Variants in ITGA11 observed in about 807,000 individuals in gnomAD.
ITGA11 encodes integrin alpha-11.
A neutral mutation model predicts 141.9 loss-of-function variants in ITGA11; 97 were observed. The ratio of observed to expected loss-of-function variants is 0.68; its 90% CI spans 0.58 to 0.81. ITGA11 has a LOEUF of 0.81. Among genes scored for constraint, ITGA11 ranks in the 30% least tolerant of loss-of-function variants. The pLI is 0.00. For missense variants in ITGA11, 1,387 were observed against 1,559.2 expected (o/e 0.89, Z 1.86); for synonymous variants, 658 against 624.6 (o/e 1.05, Z -0.80).
At chr15:68,365,177 C>G in intron 3 of ITGA11, 1 of 985,446 alleles carries the variant, frequency 1.0e-6, no homozygotes, top group Non-Finnish European at 1.2e-6. Flanking sequence ...AGTATCCCCG[C>G]TACGCTTTCT....
chr15:68,352,008 G>A (rs1194330178), intron 7 of ITGA11, among the ~76,000 whole-genome samples: 5 of 151,548 alleles, frequency 3.3e-5, no homozygotes, highest in Admixed American at 6.6e-5. Flanking sequence ...GCTTGAACCC[G>A]GGAGGCGGAG....
rs776347576 is a variant in ITGA11 at position 68,350,794 on chromosome 15, C to T, written c.895-12G>A. 1.2e-6 allele frequency: 2 copies of T among 1,607,678 alleles called. No individual in the cohort carries two copies. Among genetic ancestry groups the T allele is most frequent in the Admixed American group, 3.4e-5 (2 of 59,630 alleles). ...TAGTAGCCCAGGACCTGCCAGGGAA[C>T]AGGGGCAGGAACCACAAACCAGAAC... On this transcript the variant is annotated splice_polypyrimidine_tract_variant and intron_variant, in intron 8 of 29. Coordinates refer to ENST00000315757, the MANE Select transcript of ITGA11 (RefSeq NM_001004439.2).
At chr15:68,398,736 A>G (rs1008771749) in intron 2 of ITGA11, among the ~76,000 whole-genome samples, 1 of 147,894 alleles carries the variant, frequency 6.8e-6, no homozygotes. Flanking sequence ...GATATAATTT[A>G]TATTAACTGT....
At chr15:68,397,674 T>C (rs1240174795) in intron 2 of ITGA11, among the ~76,000 whole-genome samples, 1 of 50,320 alleles carries the variant, frequency 2.0e-5, no homozygotes, top group Non-Finnish European at 3.6e-5. Context: ...ATAAAATATT[T>C]AAAATATTAT....
chr15:68,369,392 G>GGGGA, intron 2 of ITGA11, 108 bp from the exon 3 acceptor site: 1 of 187,570 alleles, frequency 5.3e-6, no homozygotes, highest in Non-Finnish European at 1.1e-5. Flanking sequence ...GGGAGGGTGG[G>GGGGA]AGGGAACCCT....
At position 68,307,286 on chromosome 15, in the gene ITGA11, G is replaced by A. The variant is rs916993410; in HGVS notation, c.3381+62C>T. On this transcript the variant is annotated intron_variant, in intron 28 of 29. Coordinates refer to ENST00000315757, the MANE Select transcript of ITGA11 (RefSeq NM_001004439.2). This position sits in a 1 kb window ranked among gnomAD's most constrained non-coding sequence, Gnocchi z 6.1. ...GTAGGAAAACTCTATAGAGGAGCACGGCCAACCCTTTCCCAAGCTGTCCGG... is the reference window on the plus strand; with the variant it reads ...GTAGGAAAACTCTATAGAGGAGCACAGCCAACCCTTTCCCAAGCTGTCCGG... 39 of 1,233,032 alleles carry A rather than the reference G, an allele frequency of 3.2e-5. No individual in the cohort carries two copies. The highest frequency in any genetic ancestry group is 3.9e-5 in the Non-Finnish European group (34 of 862,230). 76.4% of individuals were successfully genotyped at this position (1,233,032 alleles called of 1,614,324 possible).
chr15:68,373,509 A>G (rs969830063), intron 2 of ITGA11, among the ~76,000 whole-genome samples: 4 of 152,204 alleles, frequency 2.6e-5, no homozygotes, highest in Non-Finnish European at 4.4e-5. Context: ...GCTAAAGTCA[A>G]TGTTGACTGC....
chr15:68,406,302 G>A (rs557581520), intron 1 of ITGA11, among the ~76,000 whole-genome samples: 2 of 152,084 alleles, frequency 1.3e-5, no homozygotes, highest in East Asian at 3.9e-4. Context: ...TCATTGCAAG[G>A]CCCTCCATAA....
intron 11 of ITGA11, among the ~76,000 whole-genome samples, chr15:68,337,012 G>C (rs1427314135): frequency 2.0e-5 from 3 of 152,166 alleles, no homozygotes; most frequent in Non-Finnish European, 4.4e-5. Flanking sequence ...GGCTAACATG[G>C]CCATGTATTT....
chr15:68,367,129 C>T (rs1595880422), intron 3 of ITGA11, among the ~76,000 whole-genome samples: 1 of 152,174 alleles, frequency 6.6e-6, no homozygotes, highest in East Asian at 1.9e-4. Flanking sequence ...ACTCACTTTG[C>T]TACCCACTGC....
At position 68,320,221 on chromosome 15, in the gene ITGA11, C is replaced by T. The variant is rs376726945; in HGVS notation, c.2580G>A (p.Gln860=). Residue 860 remains glutamine, a synonymous_variant, in exon 20 of 30, where the codon CAG becomes CAA. Transcript: ENST00000315757. ...NAYSTVLNIS[Q]SANLQFASLI... Reference sequence around the variant, plus strand: ...AGCTGGCAAACTGCAGGTTTGCTGACTGCGAGATATTTAGGACCGTGCTGT... The same window carrying T: ...AGCTGGCAAACTGCAGGTTTGCTGATTGCGAGATATTTAGGACCGTGCTGT... The T allele has an allele frequency of 2.4e-5, 39 of 1,614,050 alleles. No homozygotes were observed. In the African/African-American group the frequency reaches 3.3e-4, roughly 14 times the overall value.
At position 68,411,188 on chromosome 15, in the gene ITGA11, G is replaced by A. The variant is rs1896763575; in HGVS notation, c.53-8159C>T. ...CAATCTTCTCCCCATCTAAGACTGA[G>A]CAATGTGAGGAGAACTGGATTCTAC... is the stretch of plus-strand genomic sequence containing the variant. On this transcript the variant is annotated intron_variant, in intron 1 of 29. Transcript: ENST00000315757. 2.0e-5 allele frequency among the ~76,000 whole-genome samples: 3 copies of A among 152,360 alleles called. 1 individual carries two copies. The South Asian group carries it at 6.2e-4, about 32-fold the overall frequency.
intron 2 of ITGA11, among the ~76,000 whole-genome samples, chr15:68,373,130 TC>T (rs2140365910): frequency 6.6e-6 from 1 of 152,312 alleles, no homozygotes; most frequent in African/African-American, 2.4e-5. Flanking sequence ...CCCTTTAAAA[TC>T]CAGCATAAAT....
chr15:68,335,622 G>GT lies in ITGA11; in HGVS notation c.1425+74dup. ...GGCACCCAGTGGTCCAGGCATGCCT[G>GT]TATTTACTGCCCTCCCATTTGTCTG... On this transcript the variant is annotated intron_variant, in intron 12 of 29. Coordinates refer to ENST00000315757, the MANE Select transcript of ITGA11 (RefSeq NM_001004439.2). The surrounding 1 kb of genome is among the most constrained non-coding windows in gnomAD (Gnocchi z 4.9). 1.3e-6 allele frequency: 2 copies of GT among 1,524,270 alleles called. No homozygotes were observed. Among genetic ancestry groups the GT allele is most frequent in the African/African-American group, 1.4e-5 (1 of 72,914 alleles). 94.4% of individuals were successfully genotyped at this position (1,524,270 alleles called of 1,614,324 possible). A position where few individuals can be genotyped will look rare whatever the true frequency, so the allele number is the denominator to read the frequency against.
Position 68,333,762 on chromosome 15 carries a change from A to G in ITGA11, c.1426-1284T>C, listed in dbSNP as rs1354431425. 1.3e-5 allele frequency among the ~76,000 whole-genome samples: 2 copies of G among 152,012 alleles called. No homozygotes were observed. Among genetic ancestry groups the G allele is most frequent in the Admixed American group, 1.3e-4 (2 of 15,270 alleles). ...CACCACTCCACCTCTTGCTTTTGGG[A>G]TAGTATCTAAACTCTCTAGCAGGAC... is the stretch of plus-strand genomic sequence containing the variant. On this transcript the variant is annotated intron_variant, in intron 12 of 29. Coordinates refer to ENST00000315757, the MANE Select transcript of ITGA11 (RefSeq NM_001004439.2). The surrounding 1 kb of genome is among the most constrained non-coding windows in gnomAD (Gnocchi z 4.2).
intron 10 of ITGA11, among the ~76,000 whole-genome samples, chr15:68,342,191 A>C (rs1297722927): frequency 6.6e-6 from 1 of 152,182 alleles, no homozygotes; most frequent in Non-Finnish European, 1.5e-5. Context: ...TTAATAGGGG[A>C]AGTCAGGCAC....
chr15:68,358,635 G>A (rs1234569342), intron 5 of ITGA11, 50 bp from the exon 6 acceptor site: 4 of 1,564,976 alleles, frequency 2.6e-6, no homozygotes, highest in South Asian at 1.2e-5. Flanking sequence ...GTGTCTGCGA[G>A]TCTCTGATTC....
chr15:68,432,121 C>A lies in ITGA11; in HGVS notation c.-55G>T. 4.6e-6 allele frequency: 6 copies of A among 1,300,448 alleles called. No individual in the cohort carries two copies. The highest frequency in any genetic ancestry group is 5.9e-6 in the Non-Finnish European group (6 of 1,013,902). The allele number at this position is 1,300,448 out of a possible 1,614,324, so 80.6% of individuals were successfully genotyped here. A position where few individuals can be genotyped will look rare whatever the true frequency, so the allele number is the denominator to read the frequency against. On this transcript the variant is annotated 5_prime_UTR_variant, in exon 1 of 30. Coordinates refer to ENST00000315757, the MANE Select transcript of ITGA11 (RefSeq NM_001004439.2). Reference sequence around the variant, plus strand: ...TGCAGCGGCGGCGGGGGGCGGCAAGCCAGAGCGGCAGCCTCCTCGGCGCGG... The same window carrying A: ...TGCAGCGGCGGCGGGGGGCGGCAAGACAGAGCGGCAGCCTCCTCGGCGCGG...
chr15:68,383,352 T>C (rs1895908833), intron 2 of ITGA11, among the ~76,000 whole-genome samples: 1 of 151,482 alleles, frequency 6.6e-6, no homozygotes, highest in African/African-American at 2.4e-5. Context: ...TAGAAAGAGG[T>C]ATTTTATCCA....
Sources: allele counts gnomAD v4.1 joint callset (sites outside exome capture counted in the v4.1 genomes callset), GRCh38; gene constraint gnomAD v4.1.1; non-coding constraint Gnocchi (gnomAD v3.1); transcripts MANE v1.5; gene names NCBI Gene and HGNC (gene_info 2026-07-23, HGNC 2026-07-21).